The following ZDHHC7 variants were observed in gnomAD, a reference collection of about 807,000 sequenced individuals.
ZDHHC7 encodes the protein palmitoyltransferase ZDHHC7.
In ZDHHC7, 12 loss-of-function variants were observed where a neutral mutation model predicts 34.1. That is an observed-to-expected ratio of 0.35 (90% CI 0.23 to 0.57). ZDHHC7 has a LOEUF of 0.57. Ranked by LOEUF, ZDHHC7 falls within the 20% of genes least tolerant of loss-of-function variation. The probability of loss-of-function intolerance (pLI) is 0.84; values close to 1 mark genes in which losing one functional copy is unlikely to be tolerated. For missense variants in ZDHHC7, 388 were observed against 402.7 expected (o/e 0.96, Z 0.31); for synonymous variants, 185 against 155.4 (o/e 1.19, Z -1.42).
the ZDHHC7 span, among the ~76,000 whole-genome samples, chr16:85,024,189 A>AT: frequency 1.4e-5 from 2 of 145,324 alleles, no homozygotes; most frequent in African/African-American, 5.1e-5. Context: ...AAGTGCTGAG[A>AT]TTACAGGCAT....
chr16:85,011,190 G>C (rs890298693), intron 1 of ZDHHC7, 96 bp downstream of exon 1: 1 of 152,344 alleles, frequency 6.6e-6, no homozygotes, highest in Admixed American at 6.5e-5. Flanking sequence ...GAGACAGAGC[G>C]GCGGAACCGA....
the ZDHHC7 span, among the ~76,000 whole-genome samples, chr16:85,021,945 A>G: frequency 6.7e-6 from 1 of 149,686 alleles, no homozygotes; most frequent in Non-Finnish European, 1.5e-5. Flanking sequence ...TCACGAGGTC[A>G]GGAGATCGGG....
chr16:85,016,142 T>G (rs994833983), upstream of ZDHHC7, among the ~76,000 whole-genome samples: 3 of 152,080 alleles, frequency 2.0e-5, no homozygotes, highest in Non-Finnish European at 4.4e-5. Context: ...ATTCAGTTGG[T>G]TGGGGGGCTT....
At chr16:84,997,168 G>C (rs1313531880) in intron 1 of ZDHHC7, among the ~76,000 whole-genome samples, 2 of 151,746 alleles carry the variant, frequency 1.3e-5, no homozygotes, top group Admixed American at 1.3e-4. Context: ...TTCAAAATAA[G>C]AGAAGAGATT....
At chr16:84,990,188 T>C in intron 3 of ZDHHC7, 116 bp downstream of exon 3, 1 of 1,250,598 alleles carries the variant, frequency 8.0e-7, no homozygotes, top group East Asian at 2.4e-5. Context: ...CCACCTTTCT[T>C]GTTCCACACC....
the ZDHHC7 span, among the ~76,000 whole-genome samples, chr16:85,024,271 GC>G: frequency 8.5e-6 from 1 of 118,264 alleles, no homozygotes; most frequent in Admixed American, 1.2e-4. Flanking sequence ...TTGCTCTGTT[GC>G]CTAGGCTAGA....
chr16:85,023,516 G>C, the ZDHHC7 span, among the ~76,000 whole-genome samples: 1 of 152,176 alleles, frequency 6.6e-6, no homozygotes, highest in Non-Finnish European at 1.5e-5. Context: ...TACAAACAAA[G>C]GAAAAATAGG....
At chr16:84,988,022 T>C (rs1026631130) in intron 3 of ZDHHC7, among the ~76,000 whole-genome samples, 1 of 152,054 alleles carries the variant, frequency 6.6e-6, no homozygotes, top group African/African-American at 2.4e-5. Flanking sequence ...ACAAAAAAAT[T>C]AGCCGGGCAT....
At chr16:85,008,341 C>A (rs1457213421) in intron 1 of ZDHHC7, among the ~76,000 whole-genome samples, 1 of 151,970 alleles carries the variant, frequency 6.6e-6, no homozygotes, top group Admixed American at 6.5e-5. Context: ...CTCAGGTGAG[C>A]TTCCCAGGCT....
At chr16:85,004,021 G>A (rs770048306) in intron 1 of ZDHHC7, among the ~76,000 whole-genome samples, 1 of 151,974 alleles carries the variant, frequency 6.6e-6, no homozygotes, top group Non-Finnish European at 1.5e-5. Context: ...TCAGTTTCAC[G>A]AAGTTTAAAC....
intron 6 of ZDHHC7, among the ~76,000 whole-genome samples, chr16:84,977,589 G>A (rs143732924): frequency 3.3e-5 from 5 of 152,338 alleles, no homozygotes; most frequent in African/African-American, 7.2e-5. Context: ...GGGGTGGGAT[G>A]AGCCTGTCCA....
intron 2 of ZDHHC7, among the ~76,000 whole-genome samples, chr16:84,992,844 T>G (rs1417704646): frequency 6.6e-6 from 1 of 152,220 alleles, no homozygotes; most frequent in African/African-American, 2.4e-5. Flanking sequence ...TGACTTTTTC[T>G]TTTCTTAAAT....
chr16:84,988,811 A>G, intron 3 of ZDHHC7: 1 of 1,551,748 alleles, frequency 6.4e-7, no homozygotes, highest in Non-Finnish European at 8.7e-7. Flanking sequence ...AAATGCCCAC[A>G]AGGGTTGGGT....
intron 4 of ZDHHC7, among the ~76,000 whole-genome samples, chr16:84,980,691 T>A (rs1211649405): frequency 1.3e-5 from 2 of 152,110 alleles, no homozygotes; most frequent in Non-Finnish European, 2.9e-5. Flanking sequence ...AAAATTTATA[T>A]ACCATAAAAG....
chr16:84,981,753 T>G (rs1029282800), intron 4 of ZDHHC7, 117 bp downstream of exon 4: 134 of 1,575,524 alleles, frequency 8.5e-5, no homozygotes, highest in Middle Eastern at 4.7e-4. Context: ...CCGTACAACG[T>G]TGCCCAGATG....
chr16:85,016,840 G>A, the ZDHHC7 span, among the ~76,000 whole-genome samples: 3,554 of 152,088 alleles, frequency 0.023, 147 homozygotes, highest in African/African-American at 0.081. Flanking sequence ...GTTTCTCAAC[G>A]GAAGTGATAT....
chr16:84,979,278 T>G lies in ZDHHC7; in HGVS notation c.448A>C (p.Lys150Gln). The change falls in exon 5 of 8, where the codon AAA (lysine) becomes CAA (glutamine). Residue 150 changes from lysine (K) to glutamine (Q), a missense_variant. Transcript: ENST00000313732. ...TGATCCATTTTCCGAATACATCTTT[T>G]GCAAATACTGAAAAGGAGAGTTTGA... ...PERAHHCSIC[K>Q]RCIRKMDHHC... 7 of 1,609,570 alleles carry G rather than the reference T, an allele frequency of 4.3e-6. No homozygotes were observed. The highest frequency in any genetic ancestry group is 5.9e-6 in the Non-Finnish European group (7 of 1,179,326).
chr16:84,981,757 C>T, intron 4 of ZDHHC7, 113 bp downstream of exon 4: 2 of 1,580,348 alleles, frequency 1.3e-6, no homozygotes, highest in African/African-American at 1.3e-5. Context: ...ACAACGTTGC[C>T]CAGATGCTCG....
intron 6 of ZDHHC7, 24 bp from the exon 7 acceptor site, chr16:84,977,249 A>G: frequency 1.2e-6 from 2 of 1,613,426 alleles, no homozygotes; most frequent in South Asian, 1.1e-5. Context: ...GAAGTTGGTT[A>G]TAACTGGTCC....
Sources: allele counts gnomAD v4.1 joint callset (sites outside exome capture counted in the v4.1 genomes callset), GRCh38; gene constraint gnomAD v4.1.1; transcripts MANE v1.5; gene names NCBI Gene and HGNC (gene_info 2026-07-23, HGNC 2026-07-21).